ZNF536: variants seen among roughly 807,000 people sequenced by gnomAD.
ZNF536 encodes the protein zinc finger protein 536.
A neutral mutation model predicts 84.5 loss-of-function variants in ZNF536; 13 were observed. That is an observed-to-expected ratio of 0.15 (90% CI 0.10 to 0.24). The LOEUF (loss-of-function observed/expected upper bound fraction) is 0.24. ZNF536 is among the 10% of genes least tolerant of loss of function. The pLI is 1.00. For synonymous variants in ZNF536, 811 were observed against 742.5 expected (o/e 1.09, Z -1.50); for missense variants, 1,536 against 1,747.5 (o/e 0.88, Z 2.16).
intron 1 of ZNF536, among the ~76,000 whole-genome samples, chr19:30,262,328 C>T (rs2025270589): frequency 6.6e-6 from 1 of 152,202 alleles, no homozygotes; most frequent in Non-Finnish European, 1.5e-5. Context: ...GGAGCTGTAC[C>T]ACTGAGTTTC....
intron 1 of ZNF536, among the ~76,000 whole-genome samples, chr19:30,647,786 G>A (rs1490340334): frequency 2.0e-5 from 3 of 152,070 alleles, no homozygotes; most frequent in African/African-American, 7.2e-5. Flanking sequence ...TTAATCTGGG[G>A]CAGGGAGTGC....
Position 30,417,148 on chromosome 19 carries a change from ATT to A in ZNF536, c.-2-26386_-2-26385del, listed in dbSNP as rs71173904. Among the ~76,000 whole-genome samples the A allele has an allele frequency of 2.1e-3, 214 of 100,210 alleles. 1 individual carries two copies. The highest frequency in any genetic ancestry group is 8.5e-3 in the African/African-American group (207 of 24,366). The allele number at this position is 100,210 out of a possible 152,430, so 65.7% of individuals were successfully genotyped here. A position where few individuals can be genotyped will look rare whatever the true frequency, so the allele number is the denominator to read the frequency against. Reference sequence around the variant, plus strand: ...GCCACCACGCCAGGCTAATTTTTGTATTTTTTTTTTTTTTTTTTTTTTTTTTT... The same window carrying A: ...GCCACCACGCCAGGCTAATTTTTGTATTTTTTTTTTTTTTTTTTTTTTTTT... On this transcript the variant is annotated intron_variant, in intron 1 of 4. Coordinates refer to ENST00000355537, the MANE Select transcript of ZNF536 (RefSeq NM_014717.3).
At chr19:30,706,735 CAT>C (rs1420541265) in intron 1 of ZNF536, among the ~76,000 whole-genome samples, 1 of 152,158 alleles carries the variant, frequency 6.6e-6, no homozygotes, top group East Asian at 1.9e-4. Context: ...ACGATAGTGA[CAT>C]TCTCCATCAA....
chr19:30,521,960 A>G (rs992112000), intron 2 of ZNF536, among the ~76,000 whole-genome samples: 6 of 152,104 alleles, frequency 3.9e-5, no homozygotes, highest in African/African-American at 1.4e-4. Context: ...AAACTTAGCT[A>G]AAAGTGTCAC....
At chr19:30,705,728 G>A (rs555327397) in intron 1 of ZNF536, among the ~76,000 whole-genome samples, 86 of 152,200 alleles carry the variant, frequency 5.7e-4, no homozygotes, top group African/African-American at 1.8e-3. Context: ...GCAAGATCAG[G>A]ATTTATTATG....
At chr19:30,290,646 C>T (rs961601678) in intron 2 of ZNF536, among the ~76,000 whole-genome samples, 2 of 152,112 alleles carry the variant, frequency 1.3e-5, no homozygotes. Flanking sequence ...ATGAATAATA[C>T]TGCTGTAAAT....
chr19:30,318,983 C>T (rs890165506), intron 2 of ZNF536, among the ~76,000 whole-genome samples: 2 of 152,208 alleles, frequency 1.3e-5, no homozygotes, highest in African/African-American at 4.8e-5. Context: ...ATGCTAACTG[C>T]CAACTTCTTT....
Position 30,297,909 on chromosome 19 carries a change from C to CCA in ZNF536, c.-120+13769_-120+13770insAC, listed in dbSNP as rs1568313230. 1.4e-4 allele frequency among the ~76,000 whole-genome samples: 20 copies of CCA among 147,534 alleles called. No individual in the cohort carries two copies. In the East Asian group the frequency reaches 2.2e-3, roughly 16 times the overall value. On this transcript the variant is annotated intron_variant, in intron 2 of 5. Coordinates refer to the ZNF536 transcript ENST00000585628. ...TTTTTTTCTCAAGACGGAGTCCCCC[C>CCA]CCCCTCTGTCGCCCAGGCTGGAGTG...
At chr19:30,518,829 G>A (rs2044197840) in intron 2 of ZNF536, among the ~76,000 whole-genome samples, 1 of 152,126 alleles carries the variant, frequency 6.6e-6, no homozygotes, top group Non-Finnish European at 1.5e-5. Context: ...TCAGTGTTGG[G>A]TGATGCCCAA....
At chr19:30,285,505 T>C (rs1002911015) in intron 2 of ZNF536, among the ~76,000 whole-genome samples, 2 of 152,230 alleles carry the variant, frequency 1.3e-5, no homozygotes, top group African/African-American at 2.4e-5. Flanking sequence ...AGGTGTGTTT[T>C]AGATTGAAAG....
At position 30,549,000 on chromosome 19, in the gene ZNF536, C is replaced by T. The variant is rs2146231271; in HGVS notation, c.3381C>T (p.Ser1127=). 3.1e-6 allele frequency: 5 copies of T among 1,614,156 alleles called. No homozygotes were observed. Among genetic ancestry groups the T allele is most frequent in the Non-Finnish European group, 3.4e-6 (4 of 1,180,038 alleles). Residue 1127 remains serine, a synonymous_variant, in exon 4 of 5, where the codon TCC becomes TCT. Transcript: ENST00000355537. The stretch of plus-strand genomic sequence containing the variant: ...CAGGCATGGTTGGCTCAGGGGCCTC[C>T]AGTTCCTGCCCCAACAAGGAGCCTG... ...VYPGMVGSGA[S]SSCPNKEPDG...
intron 2 of ZNF536, among the ~76,000 whole-genome samples, chr19:30,469,014 C>T (rs1039380005): frequency 3.9e-5 from 6 of 152,148 alleles, no homozygotes; most frequent in Admixed American, 1.3e-4. Flanking sequence ...GACCCAGATA[C>T]CCATGACCCA....
rs79317190 is a variant in ZNF536, at chr19:30,508,908, G to C, written c.2171-25939G>C. On this transcript the variant is annotated intron_variant, in intron 2 of 4. Transcript: ENST00000355537. ...AGTGGCATGATCATGGCTCACTGCA[G>C]CCTTGACCTCCTGGGCTCAAGCAAT... 4.1e-3 allele frequency among the ~76,000 whole-genome samples: 560 copies of C among 138,074 alleles called. 9 individuals carry two copies. The East Asian group carries it at 0.044, about 11-fold the overall frequency. 90.6% of individuals were successfully genotyped at this position (138,074 alleles called of 152,430 possible).
At chr19:30,304,048 G>T (rs76275814) in intron 2 of ZNF536, among the ~76,000 whole-genome samples, 1 of 152,136 alleles carries the variant, frequency 6.6e-6, no homozygotes, top group Non-Finnish European at 1.5e-5. Flanking sequence ...ATGGAGCAGC[G>T]TGGGGGAGTC....
At chr19:30,606,287 A>AAAT (rs1568597222) in intron 1 of ZNF536, among the ~76,000 whole-genome samples, 4 of 55,886 alleles carry the variant, frequency 7.2e-5, no homozygotes, top group African/African-American at 2.9e-4. Context: ...AAAATAAAAT[A>AAAT]AAATAAATAA....
intron 1 of ZNF536, among the ~76,000 whole-genome samples, chr19:30,672,203 A>G (rs919287153): frequency 1.1e-4 from 17 of 152,238 alleles, no homozygotes; most frequent in African/African-American, 3.6e-4. Context: ...ACTTCTTACA[A>G]ATGATCTGCC....
chr19:30,709,139 G>A (rs1047591144), intron 1 of ZNF536, among the ~76,000 whole-genome samples: 4 of 152,280 alleles, frequency 2.6e-5, no homozygotes, highest in East Asian at 1.9e-4. Flanking sequence ...TGGCTGTGAC[G>A]CATCAGGGTA....
chr19:30,544,866 G>A (rs147557292), intron 3 of ZNF536, among the ~76,000 whole-genome samples: 150 of 152,296 alleles, frequency 9.8e-4, no homozygotes, highest in African/African-American at 3.4e-3. Context: ...TCTTATTACA[G>A]GTTGAGGAAG....
At chr19:30,245,340 C>T (rs755956285) in intron 1 of ZNF536, among the ~76,000 whole-genome samples, 3 of 152,184 alleles carry the variant, frequency 2.0e-5, no homozygotes, top group Admixed American at 6.5e-5. Flanking sequence ...TGCACACTTA[C>T]CCATCTCCTT....
Sources: allele counts gnomAD v4.1 joint callset (sites outside exome capture counted in the v4.1 genomes callset), GRCh38; gene constraint gnomAD v4.1.1; transcripts MANE v1.5; gene names NCBI Gene and HGNC (gene_info 2026-07-23, HGNC 2026-07-21).